SELP: variants seen among roughly 807,000 people sequenced by gnomAD.
SELP encodes the protein selectin P, also known as P-selectin.
SELP carries 92 observed loss-of-function variants against 104.1 expected under a neutral mutation model. That is an observed-to-expected ratio of 0.88 (90% confidence interval 0.75 to 1.05). The LOEUF is 1.05. Among genes scored for constraint, SELP ranks in the 50% least tolerant of loss-of-function variants. The probability of loss-of-function intolerance (pLI) is 0.00; values close to 1 mark genes in which losing one functional copy is unlikely to be tolerated. For synonymous variants in SELP, 397 were observed against 364.5 expected, an observed-to-expected ratio of 1.09 and a Z score of -1.01; for missense variants, 1,022 against 1,017.3, an observed-to-expected ratio of 1.00 and a Z score of -0.06.
intron 10 of SELP, among the ~76,000 whole-genome samples, chr1:169,600,483 T>C (rs1661848395): frequency 6.6e-6 from 1 of 152,204 alleles, no homozygotes; most frequent in African/African-American, 2.4e-5. Context: ...CCCCTGCAGA[T>C]ACTGAGGAAC....
intron 12 of SELP, among the ~76,000 whole-genome samples, chr1:169,595,276 C>A (rs1458758941): frequency 1.3e-5 from 2 of 152,288 alleles, no homozygotes; most frequent in African/African-American, 4.8e-5. Flanking sequence ...TTCAGCATAT[C>A]TGGACACTGG....
chr1:169,616,171 A>T (rs899897071), intron 3 of SELP, among the ~76,000 whole-genome samples: 20 of 152,246 alleles, frequency 1.3e-4, no homozygotes, highest in African/African-American at 4.8e-4. Context: ...ACCTTCAATT[A>T]CTTCTTTCCT....
At chr1:169,605,365 C>T (rs1571641702) in intron 9 of SELP, among the ~76,000 whole-genome samples, 1 of 152,162 alleles carries the variant, frequency 6.6e-6, no homozygotes, top group East Asian at 1.9e-4. Flanking sequence ...GCCATCCTCT[C>T]TGGTGCCTGG....
At chr1:169,591,156 G>A (rs185413168) in intron 15 of SELP, among the ~76,000 whole-genome samples, 237 of 152,262 alleles carry the variant, frequency 1.6e-3, no homozygotes, top group Non-Finnish European at 2.9e-3. Flanking sequence ...GAAGGTGCAC[G>A]CTTCTGATGA....
chr1:169,612,919 G>T lies in SELP; in HGVS notation c.775+10C>A, dbSNP rs764367059. 5.7e-6 allele frequency: 9 copies of T among 1,584,038 alleles called. No individual in the cohort carries two copies. In the South Asian group the frequency reaches 1.0e-4, roughly 18 times the overall value. ...TGTCAGTGAGGATGAAAAGAATAAG[G>T]TCTACATACCTAAACACTGTGGAGG... On this transcript the variant is annotated intron_variant, in intron 5 of 16. Coordinates refer to ENST00000263686, the MANE Select transcript of SELP (RefSeq NM_003005.4).
chr1:169,600,695 C>G (rs1309773198), intron 10 of SELP, among the ~76,000 whole-genome samples: 2 of 152,134 alleles, frequency 1.3e-5, no homozygotes, highest in African/African-American at 4.8e-5. Context: ...TGCAAAACAC[C>G]ATGTGAAAAT....
At position 169,613,700 on chromosome 1, in the gene SELP, A is replaced by G. The variant is rs758428813; in HGVS notation, c.482-7T>C. On this transcript the variant is annotated splice_region_variant and splice_polypyrimidine_tract_variant and intron_variant, in intron 3 of 16. Coordinates refer to ENST00000263686, the MANE Select transcript of SELP (RefSeq NM_003005.4). ...GACATGTCCTGGCAGGAGGCTGCAT[A>G]GATATGGAAAGGTCAGAGTCATGGA... 1 of 1,611,630 alleles carries G rather than the reference A, an allele frequency of 6.2e-7. No homozygotes were observed. Among genetic ancestry groups the G allele is most frequent in the Admixed American group, 1.7e-5 (1 of 59,980 alleles).
In SELP at chr1:169,594,951, C is replaced by T; in HGVS notation, c.2102-74G>A. 3.0e-6 allele frequency: 4 copies of T among 1,331,084 alleles called. No individual in the cohort carries two copies. In the South Asian group the frequency reaches 5.6e-5, roughly 19 times the overall value. The allele number at this position is 1,331,084 out of a possible 1,614,324, so 82.5% of individuals were successfully genotyped here. The stretch of plus-strand genomic sequence containing the variant: ...AAAGAGATTATAGTTTCTTTTGTAA[C>T]CTAACATTGCCAATAAATGAGGCAG... On this transcript the variant is annotated intron_variant, in intron 12 of 16. Coordinates refer to ENST00000263686, the MANE Select transcript of SELP (RefSeq NM_003005.4).
intron 1 of SELP, among the ~76,000 whole-genome samples, chr1:169,626,842 G>A (rs1488991813): frequency 2.0e-5 from 3 of 152,108 alleles, no homozygotes; most frequent in African/African-American, 7.2e-5. Flanking sequence ...CTACAGGCAT[G>A]CATCACCACA....
chr1:169,625,537 A>G (rs1300859661), intron 1 of SELP, among the ~76,000 whole-genome samples: 2 of 152,260 alleles, frequency 1.3e-5, no homozygotes, highest in Admixed American at 1.3e-4. Flanking sequence ...ACATGTGAGC[A>G]TACAGCTGAG....
chr1:169,618,892 G>A (rs532426434), intron 2 of SELP, among the ~76,000 whole-genome samples: 47 of 152,220 alleles, frequency 3.1e-4, no homozygotes, highest in African/African-American at 9.2e-4. Context: ...AATTTTGTGC[G>A]TCTGTGTCTA....
chr1:169,620,831 G>A (rs1002675999), intron 1 of SELP, among the ~76,000 whole-genome samples: 8 of 124,498 alleles, frequency 6.4e-5, no homozygotes, highest in African/African-American at 2.4e-4. Context: ...GTGTGTGTAT[G>A]TGTCATGCCA....
intron 6 of SELP, 41 bp downstream of exon 6, chr1:169,612,176 G>A (rs756232095): frequency 6.3e-7 from 1 of 1,579,744 alleles, no homozygotes; most frequent in South Asian, 1.1e-5. Context: ...GTAAGGACTG[G>A]GTGCAATGGA....
At chr1:169,608,147 CTTT>C (rs200791706) in intron 8 of SELP, among the ~76,000 whole-genome samples, 138 of 138,192 alleles carry the variant, frequency 1.0e-3, no homozygotes, top group East Asian at 1.9e-3. Flanking sequence ...CTTGTTTTTT[CTTT>C]TTTTTTTTTT....
intron 13 of SELP, 58 bp from the exon 14 acceptor site, chr1:169,593,782 G>C: frequency 6.3e-7 from 1 of 1,583,212 alleles, no homozygotes; most frequent in South Asian, 1.1e-5. Flanking sequence ...CAAAAGACTA[G>C]TCTTTCTCTC....
At chr1:169,624,521 G>A (rs1355422375) in intron 1 of SELP, among the ~76,000 whole-genome samples, 1 of 152,166 alleles carries the variant, frequency 6.6e-6, no homozygotes, top group Admixed American at 6.5e-5. Context: ...AGGCCAAGGT[G>A]GGCAGATCAC....
At chr1:169,626,708 G>C (rs1663391458) in intron 1 of SELP, among the ~76,000 whole-genome samples, 1 of 152,022 alleles carries the variant, frequency 6.6e-6, no homozygotes, top group African/African-American at 2.4e-5. Flanking sequence ...TTTTTGTGGG[G>C]CTGGGGGACA....
intron 11 of SELP, among the ~76,000 whole-genome samples, chr1:169,596,377 CATT>C (rs1252899381): frequency 6.6e-6 from 1 of 152,126 alleles, no homozygotes; most frequent in Non-Finnish European, 1.5e-5. Flanking sequence ...TCAGAGGAGT[CATT>C]GTTGTTGCTA....
chr1:169,624,096 G>A (rs867025742), intron 1 of SELP, among the ~76,000 whole-genome samples: 1 of 152,190 alleles, frequency 6.6e-6, no homozygotes, highest in African/African-American at 2.4e-5. Flanking sequence ...TAACTGTAAG[G>A]CAACTGATAG....
Sources: allele counts gnomAD v4.1 joint callset (sites outside exome capture counted in the v4.1 genomes callset), GRCh38; gene constraint gnomAD v4.1.1; transcripts MANE v1.5; gene names NCBI Gene and HGNC (gene_info 2026-07-23, HGNC 2026-07-21).